Variants in CCT2 observed in about 807,000 individuals in gnomAD.
The protein encoded by CCT2 is T-complex protein 1 subunit beta.
Under a neutral mutation model 61.8 loss-of-function variants are expected in CCT2, and 18 were observed. That is an observed-to-expected ratio of 0.29 (90% CI 0.20 to 0.43). The LOEUF (loss-of-function observed/expected upper bound fraction) is 0.43, where lower values mean the gene tolerates loss of function less well. Ranked by LOEUF, CCT2 falls within the 20% of genes least tolerant of loss-of-function variation. The pLI, the probability that CCT2 is intolerant of heterozygous loss-of-function variation, is 1.00. For synonymous variants in CCT2, 248 were observed against 215.9 expected (o/e 1.15, Z -1.30); for missense variants, 556 against 656.9 (o/e 0.85, Z 1.68).
At position 69,588,175 on chromosome 12, in the gene CCT2, A is replaced by G. The variant is rs1375550420; in HGVS notation, c.359A>G (p.Lys120Arg). The G allele has an allele frequency of 3.1e-6, 5 of 1,613,782 alleles. No homozygotes were observed. In the African/African-American group the frequency reaches 5.3e-5, roughly 17 times the overall value. The change falls in exon 6 of 16, where the codon AAG (lysine) becomes AGG (arginine). Residue 120 changes from lysine (K) to arginine (R), a missense_variant. Physicochemically the swap from Lys to Arg is conservative, Grantham distance 26. This residue lies in a region of CCT2 where 308 missense variants were observed against 350.6 expected (regional missense o/e 0.88). Coordinates refer to ENST00000299300, the MANE Select transcript of CCT2 (RefSeq NM_006431.3). ...GAAGCAGAATCTTTAATTGCAAAAA[A>G]GATTCATCCACAGACCATCATAGCG... ...LREAESLIAKKIHPQTIIAGW... is the reference protein window; with the variant it reads ...LREAESLIAKRIHPQTIIAGW...
At position 69,598,427 on chromosome 12, in the gene CCT2, C is replaced by A; in HGVS notation, c.1435+6C>A. Reference sequence around the variant, plus strand: ...CAATACCACTGCTGGATTGGGTAAGCAATCAAGGGGAACTTTGTGGCCGTT... The same window carrying A: ...CAATACCACTGCTGGATTGGGTAAGAAATCAAGGGGAACTTTGTGGCCGTT... On this transcript the variant is annotated splice_donor_region_variant and intron_variant, in intron 14 of 15. Transcript: ENST00000299300. 6.5e-7 allele frequency: 1 copy of A among 1,540,428 alleles called. No individual in the cohort carries two copies. Among genetic ancestry groups the A allele is most frequent in the Non-Finnish European group, 8.8e-7 (1 of 1,142,508 alleles).
At chr12:69,588,400 A>T in intron 6 of CCT2, 138 bp downstream of exon 6, 2 of 634,404 alleles carry the variant, frequency 3.2e-6, no homozygotes, top group East Asian at 2.8e-5. Flanking sequence ...AGTCAAACCT[A>T]CATCAGCCTC....
chr12:69,587,352 G>C (rs938779491), intron 3 of CCT2, among the ~76,000 whole-genome samples, 153 bp from the exon 4 acceptor site: 3 of 152,188 alleles, frequency 2.0e-5, no homozygotes, highest in Non-Finnish European at 2.9e-5. Context: ...GTTTGGTTAC[G>C]TGGTGTATGT....
rs1244155234 is a variant in CCT2 at position 69,597,243 on chromosome 12, A to G, written c.1070A>G (p.Asp357Gly). ...ATCGAGGAAGTCATGATTGGAGAAG[A>G]CAAACTCATTCACTTTTCTGGGGTT... ...KLIEEVMIGE[D>G]KLIHFSGVAL... The change falls in exon 11 of 16, where the codon GAC (aspartate) becomes GGC (glycine). Residue 357 changes from aspartate (D) to glycine (G), a missense_variant. Coordinates refer to ENST00000299300, the MANE Select transcript of CCT2 (RefSeq NM_006431.3). The G allele has an allele frequency of 6.2e-7, 1 of 1,614,044 alleles. No individual in the cohort carries two copies. Among genetic ancestry groups the G allele is most frequent in the Non-Finnish European group, 8.5e-7 (1 of 1,179,926 alleles).
chr12:69,597,724 C>A lies in CCT2; in HGVS notation c.1189C>A (p.Leu397Ile). 2 of 1,613,636 alleles carry A rather than the reference C, an allele frequency of 1.2e-6. No homozygotes were observed. The highest frequency in any genetic ancestry group is 1.7e-6 in the Non-Finnish European group (2 of 1,179,586). The change falls in exon 12 of 16, where the codon CTT becomes ATT. Residue 397 changes from leucine to isoleucine, a missense_variant. Physicochemically the swap from Leu to Ile is conservative, Grantham distance 5 (BLOSUM62 2). Transcript: ENST00000299300. ...ATCATTGCATGATGCTCTTTGTGTT[C>A]TTGCGCAAACTGTAAAGGACTCTAG... Reference protein sequence around the residue: ...ERSLHDALCVLAQTVKDSRTV... With the variant: ...ERSLHDALCVIAQTVKDSRTV...
chr12:69,598,283 A>G (rs754146083), intron 13 of CCT2, 39 bp from the exon 14 acceptor site: 1 of 1,380,244 alleles, frequency 7.2e-7, no homozygotes, highest in Non-Finnish European at 1.0e-6. Flanking sequence ...TGGTTCTTAC[A>G]GTAGAGTGAG....
chr12:69,588,185 A>G lies in CCT2; in HGVS notation c.369A>G (p.Pro123=), dbSNP rs373923288. 18 of 1,614,132 alleles carry G rather than the reference A, an allele frequency of 1.1e-5. No individual in the cohort carries two copies. In the African/African-American group the frequency reaches 2.4e-4, roughly 22 times the overall value. ...CTTTAATTGCAAAAAAGATTCATCC[A>G]CAGACCATCATAGCGGGTTGGAGAG... The part of the protein sequence containing the change: ...AESLIAKKIH[P]QTIIAGWREA... Residue 123 remains proline (P), a synonymous_variant, in exon 6 of 16, where the codon CCA becomes CCG. Transcript: ENST00000299300.
intron 1 of CCT2, chr12:69,585,989 A>C: frequency 7.5e-7 from 1 of 1,329,744 alleles, no homozygotes. Flanking sequence ...TTCTTAGTTC[A>C]AGATCGTCTT....
In CCT2 at chr12:69,587,687, A is replaced by G. The variant is rs1013593916; in HGVS notation, c.256+71A>G. On this transcript the variant is annotated intron_variant, in intron 4 of 15. Transcript: ENST00000299300. The stretch of plus-strand genomic sequence containing the variant: ...TAACATTTTTGAAATAACTTTATAA[A>G]TAGGCTGTGTTGACCAATCGTACTG... 1.7e-5 allele frequency: 17 copies of G among 1,001,680 alleles called. No individual in the cohort carries two copies. In the Admixed American group the frequency reaches 2.1e-4, roughly 12 times the overall value. The allele number at this position is 1,001,680 out of a possible 1,614,324, so 62.0% of individuals were successfully genotyped here. A position where few individuals can be genotyped will look rare whatever the true frequency, so the allele number is the denominator to read the frequency against.
intron 14 of CCT2, among the ~76,000 whole-genome samples, chr12:69,599,127 C>T (rs958450933): frequency 6.6e-6 from 1 of 152,128 alleles, no homozygotes; most frequent in African/African-American, 2.4e-5. Flanking sequence ...TGCTCTGTTC[C>T]CCAGGCTGGA....
intron 12 of CCT2, 85 bp downstream of exon 12, chr12:69,597,851 A>G: frequency 7.1e-7 from 1 of 1,415,700 alleles, no homozygotes; most frequent in East Asian, 2.4e-5. Context: ...TTCTTACAGA[A>G]ATCTTATATT....
intron 4 of CCT2, 98 bp from the exon 5 acceptor site, chr12:69,587,832 T>TC: frequency 1.0e-6 from 1 of 1,004,546 alleles, no homozygotes; most frequent in East Asian, 2.4e-5. Flanking sequence ...ATTTGTTGAA[T>TC]GAGGAACCCT....
intron 1 of CCT2, 174 bp from the exon 2 acceptor site, chr12:69,586,096 C>A: frequency 1.7e-6 from 2 of 1,200,350 alleles, no homozygotes; most frequent in Non-Finnish European, 2.3e-6. Context: ...TCCTACAAGT[C>A]CCTCTCTCCC....
chr12:69,589,526 C>T lies in CCT2; in HGVS notation c.488C>T (p.Ala163Val), dbSNP rs1322651626. 1.5e-5 allele frequency: 24 copies of T among 1,613,784 alleles called. No individual in the cohort carries two copies. The highest frequency in any genetic ancestry group is 3.3e-5 in the Admixed American group (2 of 59,988). The change falls in exon 7 of 16, where the codon GCG becomes GTG. Residue 163 changes from alanine to valine, a missense_variant. Physicochemically the swap from Ala to Val is moderately conservative, Grantham distance 64. This residue lies in a region of CCT2 where 308 missense variants were observed against 350.6 expected (regional missense o/e 0.88). Coordinates refer to ENST00000299300, the MANE Select transcript of CCT2 (RefSeq NM_006431.3). ...TTCCGTCAAGATTTAATGAATATTG[C>T]GGGCACAACATTATCCTCAAAACTT... ...VKFRQDLMNI[A>V]GTTLSSKLLT...
chr12:69,589,883 A>T (rs954764702), intron 7 of CCT2, 196 bp downstream of exon 7: 1 of 583,804 alleles, frequency 1.7e-6, no homozygotes, highest in African/African-American at 1.9e-5. Flanking sequence ...ATTGTTGATG[A>T]TCTCTAGAGT....
chr12:69,595,655 C>T (rs1315064444), intron 10 of CCT2, among the ~76,000 whole-genome samples: 2 of 144,110 alleles, frequency 1.4e-5, no homozygotes, highest in Non-Finnish European at 3.0e-5. Context: ...CGCCACTGCA[C>T]TCCAGCCTGG....
At chr12:69,593,772 A>C (rs1214956520) in intron 10 of CCT2, among the ~76,000 whole-genome samples, 159 bp downstream of exon 10, 1 of 152,242 alleles carries the variant, frequency 6.6e-6, no homozygotes, top group African/African-American at 2.4e-5. Flanking sequence ...TAGATACATT[A>C]CATTTACGAT....
At chr12:69,598,471 C>T (rs1166146894) in intron 14 of CCT2, 50 bp downstream of exon 14, 1 of 1,149,064 alleles carries the variant, frequency 8.7e-7, no homozygotes, top group Non-Finnish European at 1.2e-6. Context: ...TAACTCTTTT[C>T]ACTAAGCTTT....
chr12:69,585,861 G>T, intron 1 of CCT2: 1 of 1,309,054 alleles, frequency 7.6e-7, no homozygotes, highest in Non-Finnish European at 9.7e-7. Flanking sequence ...GAGCGACGGG[G>T]TCTGAGCCAT....
Sources: allele counts gnomAD v4.1 joint callset (sites outside exome capture counted in the v4.1 genomes callset), GRCh38; gene constraint gnomAD v4.1.1; regional missense constraint gnomAD v4.1.1; transcripts MANE v1.5; gene names NCBI Gene and HGNC (gene_info 2026-07-23, HGNC 2026-07-21).